Variants in FRMD4B observed in about 807,000 individuals in gnomAD.
FRMD4B encodes FERM domain-containing protein 4B.
A neutral mutation model predicts 141.5 loss-of-function variants in FRMD4B; 74 were observed. The ratio of observed to expected loss-of-function variants is 0.52; its 90% CI spans 0.43 to 0.63. The LOEUF is 0.63. Among genes scored for constraint, FRMD4B ranks in the 30% least tolerant of loss-of-function variants. The pLI is 0.00. For synonymous variants in FRMD4B, 506 were observed against 467.9 expected (o/e 1.08, Z -1.05); for missense variants, 1,366 against 1,253.4 (o/e 1.09, Z -1.36).
intron 1 of FRMD4B, among the ~76,000 whole-genome samples, chr3:69,384,881 G>T (rs1274915015): frequency 6.6e-6 from 1 of 152,050 alleles, no homozygotes; most frequent in Non-Finnish European, 1.5e-5. Context: ...AGACATATTA[G>T]GAACAGGGTC....
intron 5 of FRMD4B, among the ~76,000 whole-genome samples, chr3:69,280,686 A>C (rs2093640708): frequency 6.6e-6 from 1 of 152,112 alleles, no homozygotes; most frequent in Non-Finnish European, 1.5e-5. Flanking sequence ...CATGTCCATG[A>C]CATTAACCAC....
intron 7 of FRMD4B, among the ~76,000 whole-genome samples, chr3:69,239,514 C>A (rs2093367316): frequency 6.6e-6 from 1 of 152,110 alleles, no homozygotes; most frequent in Non-Finnish European, 1.5e-5. Flanking sequence ...CTACTTTGAA[C>A]CTTTAACTCT....
At chr3:69,302,468 C>T (rs1200340526) in intron 3 of FRMD4B, 33 bp from the exon 4 acceptor site, 2 of 1,295,424 alleles carry the variant, frequency 1.5e-6, no homozygotes, top group South Asian at 1.2e-5. Context: ...AAGGATTCAA[C>T]AGAAAGTCAG....
intron 1 of FRMD4B, among the ~76,000 whole-genome samples, chr3:69,355,068 T>A (rs1703273863): frequency 6.6e-6 from 1 of 151,002 alleles, no homozygotes; most frequent in Non-Finnish European, 1.5e-5. Flanking sequence ...CAGAAAAGCA[T>A]CATATATGGA....
intron 5 of FRMD4B, among the ~76,000 whole-genome samples, chr3:69,261,047 G>C (rs1446973543): frequency 6.6e-6 from 1 of 152,200 alleles, no homozygotes; most frequent in Non-Finnish European, 1.5e-5. Flanking sequence ...GGGAATAAAA[G>C]CAGGTTGCCA....
intron 2 of FRMD4B, among the ~76,000 whole-genome samples, chr3:69,401,627 A>G (rs1704564923): frequency 6.6e-6 from 1 of 152,104 alleles, no homozygotes; most frequent in Non-Finnish European, 1.5e-5. Flanking sequence ...ACTGTTCACT[A>G]CAGCTTTGAC....
At chr3:69,428,440 G>C (rs2083376042) in intron 2 of FRMD4B, among the ~76,000 whole-genome samples, 1 of 150,444 alleles carries the variant, frequency 6.6e-6, no homozygotes, top group African/African-American at 2.4e-5. Context: ...TTTGGCAGTT[G>C]GCTGGTAATT....
intron 1 of FRMD4B, among the ~76,000 whole-genome samples, chr3:69,499,041 T>C (rs1706450198): frequency 6.6e-6 from 1 of 152,146 alleles, no homozygotes; most frequent in Non-Finnish European, 1.5e-5. Context: ...TTAATAAAAG[T>C]CCTTTGTAAA....
chr3:69,298,534 G>A (rs1701107929), intron 4 of FRMD4B, among the ~76,000 whole-genome samples: 1 of 152,160 alleles, frequency 6.6e-6, no homozygotes, highest in African/African-American at 2.4e-5. Context: ...ATGCTCTACA[G>A]GCCAACCCCA....
chr3:69,244,478 A>G (rs543755289), intron 7 of FRMD4B, among the ~76,000 whole-genome samples: 48 of 152,274 alleles, frequency 3.2e-4, no homozygotes, highest in South Asian at 8.3e-4. Context: ...TTGTTTGTTT[A>G]TCATGTTTTT....
At chr3:69,256,233 G>C (rs2093492165) in intron 5 of FRMD4B, among the ~76,000 whole-genome samples, 1 of 152,226 alleles carries the variant, frequency 6.6e-6, no homozygotes, top group Admixed American at 6.5e-5. Context: ...GCATGCAGCT[G>C]CCTGGAGTTT....
chr3:69,379,920 C>G (rs1379062203), intron 1 of FRMD4B, among the ~76,000 whole-genome samples: 1 of 152,236 alleles, frequency 6.6e-6, no homozygotes. Flanking sequence ...TGCCCGCAAG[C>G]CATAGTTTGC....
chr3:69,189,083 G>C (rs2092805427), intron 18 of FRMD4B, among the ~76,000 whole-genome samples: 1 of 151,830 alleles, frequency 6.6e-6, no homozygotes, highest in Non-Finnish European at 1.5e-5. Flanking sequence ...TTAGCCAGGA[G>C]TGGTGCCCAA....
intron 11 of FRMD4B, among the ~76,000 whole-genome samples, chr3:69,205,040 G>A (rs1320327262): frequency 1.8e-5 from 2 of 110,852 alleles, no homozygotes; most frequent in African/African-American, 7.8e-5. Flanking sequence ...TGCTGTATGG[G>A]TATCTGTTAT....
At chr3:69,538,418 T>A (rs1041292742) in intron 1 of FRMD4B, among the ~76,000 whole-genome samples, 40 of 152,206 alleles carry the variant, frequency 2.6e-4, no homozygotes, top group Middle Eastern at 3.2e-3. Flanking sequence ...GTGGCAGTAC[T>A]TTTCAAACTT....
At chr3:69,508,358 A>G (rs1048490721) in intron 1 of FRMD4B, among the ~76,000 whole-genome samples, 1 of 152,228 alleles carries the variant, frequency 6.6e-6, no homozygotes, top group Non-Finnish European at 1.5e-5. Context: ...TTCCACTTTT[A>G]AAAATATCAA....
intron 11 of FRMD4B, among the ~76,000 whole-genome samples, chr3:69,204,864 G>A (rs1210934400): frequency 1.3e-5 from 2 of 152,050 alleles, no homozygotes; most frequent in Non-Finnish European, 2.9e-5. Flanking sequence ...TACTATTTTA[G>A]TCTCACTATG....
intron 21 of FRMD4B, among the ~76,000 whole-genome samples, chr3:69,180,399 A>G (rs900963777): frequency 4.6e-5 from 7 of 152,234 alleles, no homozygotes; most frequent in South Asian, 2.1e-4. Context: ...TAGATGATCA[A>G]TCTTGGTGGT....
At chr3:69,497,808 A>G (rs1279003224) in intron 1 of FRMD4B, among the ~76,000 whole-genome samples, 1 of 151,944 alleles carries the variant, frequency 6.6e-6, no homozygotes, top group Non-Finnish European at 1.5e-5. Context: ...GCAGTCTCAA[A>G]CTCCTGAGCT....
Sources: gnomAD v4.1 joint callset for allele counts (sites outside exome capture counted in the v4.1 genomes callset) on GRCh38, gnomAD v4.1.1 for gene constraint, MANE v1.5 for transcripts, NCBI Gene and HGNC (gene_info 2026-07-23, HGNC 2026-07-21) for gene names.